RASD2: variants seen among roughly 807,000 people sequenced by gnomAD.
RASD2 encodes the protein GTP-binding protein Rhes.
Under a neutral mutation model 15.8 loss-of-function variants are expected in RASD2, and 7 were observed. The ratio of observed to expected loss-of-function variants is 0.44; its 90% confidence interval spans 0.25 to 0.83. The LOEUF is 0.83. RASD2 is among the 40% of genes least tolerant of loss of function. The probability of loss-of-function intolerance (pLI) is 0.20; values close to 1 mark genes in which losing one functional copy is unlikely to be tolerated. For missense variants in RASD2, 274 were observed against 382.8 expected (o/e 0.72, Z 2.37); for synonymous variants, 155 against 153.6 (o/e 1.01, Z -0.07).
chr22:35,549,232 G>A (rs1326244575), intron 2 of RASD2, among the ~76,000 whole-genome samples: 3 of 152,168 alleles, frequency 2.0e-5, no homozygotes, highest in East Asian at 1.9e-4. Flanking sequence ...ACCGGCATTC[G>A]TATTTGTATC....
At position 35,552,534 on chromosome 22, in the gene RASD2, C is replaced by G. The variant is rs1601819596; in HGVS notation, c.*502C>G. On this transcript the variant is annotated 3_prime_UTR_variant, in exon 3 of 3. Coordinates refer to ENST00000216127, the MANE Select transcript of RASD2 (RefSeq NM_014310.4). The stretch of plus-strand genomic sequence containing the variant: ...CTCTGGTTCAGCTGCCTCTGCACCC[C>G]CTCCCACCCCCAGCACACACACAAG... The G allele has an allele frequency of 6.4e-6, 1 of 155,668 alleles. No individual in the cohort carries two copies. Among genetic ancestry groups the G allele is most frequent in the Admixed American group, 6.4e-5 (1 of 15,708 alleles). The allele number at this position is 155,668 out of a possible 1,614,324, so 9.6% of individuals were successfully genotyped here.
At chr22:35,538,615 G>A (rs114572860), upstream of RASD2, among the ~76,000 whole-genome samples, 711 of 152,344 alleles carry the variant, frequency 4.7e-3, 3 homozygotes, top group African/African-American at 0.016. Flanking sequence ...GCTGGGGCAA[G>A]TGGACCTCCC....
intron 2 of RASD2, among the ~76,000 whole-genome samples, chr22:35,548,267 A>G (rs777036224): frequency 3.3e-5 from 5 of 152,162 alleles, no homozygotes; most frequent in Non-Finnish European, 7.4e-5. Context: ...AAGGGATTTT[A>G]TCTCCTTGTG....
chr22:35,546,145 G>A (rs544287432), intron 1 of RASD2, among the ~76,000 whole-genome samples: 7 of 152,226 alleles, frequency 4.6e-5, no homozygotes, highest in Admixed American at 2.0e-4. Context: ...GAGGGAGCCC[G>A]CCAGATGCAG....
chr22:35,540,847 C>G lies in RASD2; in HGVS notation c.-663C>G, dbSNP rs963888507. The G allele has an allele frequency of 1.0e-4, 16 of 152,546 alleles. 1 individual carries two copies. The highest frequency in any genetic ancestry group is 3.8e-4 in the African/African-American group (16 of 41,562). 9.4% of individuals were successfully genotyped at this position (152,546 alleles called of 1,614,324 possible). On this transcript the variant is annotated 5_prime_UTR_variant, in exon 1 of 3. Transcript: ENST00000216127. ...GCGCAGAGCAGAGCGCCCTGCTCCT[C>G]CTTCAGCTGCTGGCGTCGCCGCGCG...
chr22:35,543,736 T>C (rs550643189), intron 1 of RASD2, among the ~76,000 whole-genome samples: 2 of 152,264 alleles, frequency 1.3e-5, no homozygotes, highest in East Asian at 3.9e-4. Flanking sequence ...GGATTTTTTT[T>C]CTCTTTTTCC....
chr22:35,550,251 G>C (rs995020518), intron 2 of RASD2, among the ~76,000 whole-genome samples: 1 of 151,498 alleles, frequency 6.6e-6, no homozygotes, highest in African/African-American at 2.4e-5. Flanking sequence ...CAACAAGAGT[G>C]AAACTCTGTC....
chr22:35,543,829 C>T (rs1295290209), intron 1 of RASD2, among the ~76,000 whole-genome samples: 1 of 151,502 alleles, frequency 6.6e-6, no homozygotes, highest in Non-Finnish European at 1.5e-5. Flanking sequence ...CTCTTTGCCT[C>T]CTCTCTGACT....
chr22:35,545,679 G>C (rs1377470025), intron 1 of RASD2, among the ~76,000 whole-genome samples: 3 of 152,174 alleles, frequency 2.0e-5, no homozygotes, highest in Non-Finnish European at 4.4e-5. Flanking sequence ...TCAGAGAGCA[G>C]GTGGCACTTG....
At chr22:35,548,290 C>G (rs1314609481) in intron 2 of RASD2, among the ~76,000 whole-genome samples, 1 of 152,224 alleles carries the variant, frequency 6.6e-6, no homozygotes, top group Non-Finnish European at 1.5e-5. Context: ...TCAGCACTCT[C>G]ATCTGTAAGA....
At chr22:35,549,995 T>C (rs1934616732) in intron 2 of RASD2, among the ~76,000 whole-genome samples, 1 of 152,172 alleles carries the variant, frequency 6.6e-6, no homozygotes, top group Non-Finnish European at 1.5e-5. Context: ...ACGCAGTGGC[T>C]CATGCCTGTA....
At position 35,551,398 on chromosome 22, in the gene RASD2, A is replaced by T; in HGVS notation, c.272-105A>T. On this transcript the variant is annotated intron_variant, in intron 2 of 2. Transcript: ENST00000216127. The surrounding 1 kb of genome is among the most constrained non-coding windows in gnomAD (Gnocchi z 4.9). ...AGCAGTTATGCCGCATAACTGCTTC[A>T]GGGCACCTGTGACTCCCAGCTCTTA... is the stretch of plus-strand genomic sequence containing the variant. The T allele has an allele frequency of 8.5e-7, 1 of 1,178,930 alleles. No individual in the cohort carries two copies. The highest frequency in any genetic ancestry group is 1.2e-6 in the Non-Finnish European group (1 of 823,710). 73.0% of individuals were successfully genotyped at this position (1,178,930 alleles called of 1,614,324 possible).
intron 1 of RASD2, among the ~76,000 whole-genome samples, chr22:35,545,912 A>G (rs1157713425): frequency 2.6e-5 from 4 of 152,156 alleles, no homozygotes; most frequent in Admixed American, 6.5e-5. Context: ...TTGCTTATAC[A>G]AGAGCTTGGA....
intron 2 of RASD2, among the ~76,000 whole-genome samples, chr22:35,550,473 A>G (rs1056639079): frequency 6.6e-6 from 1 of 150,582 alleles, no homozygotes; most frequent in Non-Finnish European, 1.5e-5. Flanking sequence ...AAGTTTAAGC[A>G]AAAGTGAGGA....
Position 35,551,505 on chromosome 22 carries a change from G to A in RASD2, c.274G>A (p.Asp92Asn), listed in dbSNP as rs1239269910. The change falls in exon 3 of 3, where the codon GAT (aspartate) becomes AAT (asparagine). Residue 92 changes from aspartate (D) to asparagine (N), a missense_variant and splice_region_variant. By Grantham distance (23) the Asp-to-Asn change is conservative (BLOSUM62 1). Coordinates refer to ENST00000216127, the MANE Select transcript of RASD2 (RefSeq NM_014310.4). This position sits in a 1 kb window ranked among gnomAD's most constrained non-coding sequence, Gnocchi z 4.9. ...CTACCTGGGCTCTCTCCCTGCAGGG[G>A]ATGTCTTCATCCTGGTGTTCAGCCT... ...AMRRLSILTG[D>N]VFILVFSLDN... is the part of the protein sequence containing the mutation. 1 of 1,605,938 alleles carries A rather than the reference G, an allele frequency of 6.2e-7. No individual in the cohort carries two copies. The highest frequency in any genetic ancestry group is 8.5e-7 in the Non-Finnish European group (1 of 1,173,140).
Position 35,551,967 on chromosome 22 carries a change from T to C in RASD2, c.736T>C (p.Tyr246His), listed in dbSNP as rs1934682569. ...CCCCAGCGTCAACAGTGACCTCAAGTACATCAAGGCCAAGGTCCTTCGGGA... is the reference window on the plus strand; with the variant it reads ...CCCCAGCGTCAACAGTGACCTCAAGCACATCAAGGCCAAGGTCCTTCGGGA... Reference protein sequence around the residue: ...RRPSVNSDLKYIKAKVLREGQ... With the variant: ...RRPSVNSDLKHIKAKVLREGQ... Residue 246 changes from tyrosine to histidine, a missense_variant, in exon 3 of 3, where the codon TAC (tyrosine) becomes CAC (histidine). Transcript: ENST00000216127. The surrounding 1 kb of genome is among the most constrained non-coding windows in gnomAD (Gnocchi z 4.9). The C allele has an allele frequency of 6.2e-7, 1 of 1,603,672 alleles. No homozygotes were observed. The highest frequency in any genetic ancestry group is 8.5e-7 in the Non-Finnish European group (1 of 1,179,962).
intron 2 of RASD2, among the ~76,000 whole-genome samples, chr22:35,548,670 G>A (rs944301541): frequency 9.9e-5 from 15 of 152,204 alleles, no homozygotes; most frequent in African/African-American, 3.6e-4. Context: ...TGGCTTTTCC[G>A]AGCATCTGAC....
chr22:35,545,733 G>A (rs1486272972), intron 1 of RASD2, among the ~76,000 whole-genome samples: 1 of 152,128 alleles, frequency 6.6e-6, no homozygotes, highest in African/African-American at 2.4e-5. Flanking sequence ...TTCTGCAGAG[G>A]GGTGGCATGA....
At chr22:35,540,161 G>A (rs1001152446), upstream of RASD2, among the ~76,000 whole-genome samples, 3 of 152,072 alleles carry the variant, frequency 2.0e-5, no homozygotes, top group Non-Finnish European at 4.4e-5. Context: ...GAACCGTGGC[G>A]CGCTCGACCT....
Sources: gnomAD v4.1 joint callset for allele counts (sites outside exome capture counted in the v4.1 genomes callset) on GRCh38, gnomAD v4.1.1 for gene constraint, Gnocchi (gnomAD v3.1) non-coding constraint, MANE v1.5 for transcripts, NCBI Gene and HGNC (gene_info 2026-07-23, HGNC 2026-07-21) for gene names.